Variants in USP13 observed in about 807,000 individuals in gnomAD.
USP13 encodes ubiquitin carboxyl-terminal hydrolase 13.
A neutral mutation model predicts 107.8 loss-of-function variants in USP13; 68 were observed. That is an observed-to-expected ratio of 0.63 (90% confidence interval 0.52 to 0.77). The LOEUF is 0.77. USP13 is among the 30% of genes least tolerant of loss of function. The pLI is 0.00. For synonymous variants in USP13, 377 were observed against 389.5 expected (o/e 0.97, Z 0.38); for missense variants, 945 against 1,093.3 (o/e 0.86, Z 1.91).
chr3:179,756,958 G>A (rs1293460555), intron 15 of USP13, 94 bp from the exon 16 acceptor site: 3 of 1,313,918 alleles, frequency 2.3e-6, no homozygotes, highest in African/African-American at 2.9e-5. Flanking sequence ...AGTGGGGAGG[G>A]CATTGGAAAT....
chr3:179,670,717 A>C (rs1720724744), intron 1 of USP13, among the ~76,000 whole-genome samples: 1 of 151,244 alleles, frequency 6.6e-6, no homozygotes, highest in Non-Finnish European at 1.5e-5. Flanking sequence ...ATTTTTTTTG[A>C]GACAGATTCT....
At chr3:179,690,137 TC>T in intron 2 of USP13, 103 bp from the exon 3 acceptor site, 2 of 1,072,736 alleles carry the variant, frequency 1.9e-6, no homozygotes, top group Non-Finnish European at 2.7e-6. Context: ...GAATATTTCT[TC>T]TTGGCCTTCT....
At chr3:179,728,148 C>T (rs1239098832) in intron 8 of USP13, among the ~76,000 whole-genome samples, 3 of 129,778 alleles carry the variant, frequency 2.3e-5, no homozygotes, top group Admixed American at 7.6e-5. Flanking sequence ...TAGGGGCGGC[C>T]GGGCAGAGGC....
intron 19 of USP13, among the ~76,000 whole-genome samples, chr3:179,777,515 C>T (rs1166731556): frequency 3.4e-5 from 5 of 145,122 alleles, no homozygotes; most frequent in African/African-American, 7.7e-5. Flanking sequence ...TACAGTGGTG[C>T]GATCTCGGCT....
intron 8 of USP13, among the ~76,000 whole-genome samples, chr3:179,725,837 C>CAA (rs1228720410): frequency 1.3e-5 from 2 of 152,124 alleles, no homozygotes; most frequent in Non-Finnish European, 2.9e-5. Context: ...TCTGGAAAGA[C>CAA]AGATACTAAA....
At chr3:179,719,185 G>T (rs537928049) in intron 6 of USP13, among the ~76,000 whole-genome samples, 1 of 152,118 alleles carries the variant, frequency 6.6e-6, no homozygotes, top group East Asian at 1.9e-4. Flanking sequence ...CAACACTAGC[G>T]TCTCTCAAAT....
chr3:179,746,019 G>T (rs1425111130), intron 13 of USP13, among the ~76,000 whole-genome samples: 4 of 151,756 alleles, frequency 2.6e-5, no homozygotes, highest in Non-Finnish European at 5.9e-5. Flanking sequence ...AACAAAGGGA[G>T]GTCTGAAAGT....
Position 179,786,426 on chromosome 3 carries a change from C to G in USP13, c.*2285C>G, listed in dbSNP as rs1174883694. 1.3e-5 allele frequency: 2 copies of G among 152,114 alleles called. No homozygotes were observed. The highest frequency in any genetic ancestry group is 2.1e-4 in the South Asian group (1 of 4,822). The allele number at this position is 152,114 out of a possible 1,614,324, so 9.4% of individuals were successfully genotyped here. A position where few individuals can be genotyped will look rare whatever the true frequency, so the allele number is the denominator to read the frequency against. The stretch of plus-strand genomic sequence containing the variant: ...AGTGATGTAAAATCAATATTTAAGA[C>G]TATAGGCTATAAATTGTTTGATTTC... On this transcript the variant is annotated 3_prime_UTR_variant, in exon 21 of 21. Transcript: ENST00000263966.
intron 8 of USP13, among the ~76,000 whole-genome samples, chr3:179,729,141 C>T (rs1713698254): frequency 6.6e-6 from 1 of 152,158 alleles, no homozygotes; most frequent in Non-Finnish European, 1.5e-5. Context: ...ACATTGGACT[C>T]AACTCTGATT....
rs1483281566 is a variant in USP13 at position 179,784,173 on chromosome 3, CAT to C, written c.*34_*35del. On this transcript the variant is annotated 3_prime_UTR_variant, in exon 21 of 21. Coordinates refer to ENST00000263966, the MANE Select transcript of USP13 (RefSeq NM_003940.3). ...AATATAAAAATTGGCGAAAAGAAGC[CAT>C]ACGCCTTTTTAATTTGCCAAAAAAA... 6.7e-7 allele frequency: 1 copy of C among 1,484,642 alleles called. No homozygotes were observed. The highest frequency in any genetic ancestry group is 1.4e-5 in the African/African-American group (1 of 69,762). 92.0% of individuals were successfully genotyped at this position (1,484,642 alleles called of 1,614,324 possible). A position where few individuals can be genotyped will look rare whatever the true frequency, so the allele number is the denominator to read the frequency against.
At chr3:179,658,054 C>T (rs1472308134) in intron 1 of USP13, among the ~76,000 whole-genome samples, 1 of 152,030 alleles carries the variant, frequency 6.6e-6, no homozygotes, top group East Asian at 1.9e-4. Flanking sequence ...GTGTAAGACT[C>T]ATTTCCTTTT....
intron 13 of USP13, among the ~76,000 whole-genome samples, chr3:179,747,978 G>A (rs1302803466): frequency 6.6e-6 from 1 of 152,202 alleles, no homozygotes; most frequent in Non-Finnish European, 1.5e-5. Context: ...GGTGTATCCA[G>A]TTGTTAGTAA....
chr3:179,708,706 T>G, intron 5 of USP13, 67 bp from the exon 6 acceptor site: 13 of 1,575,596 alleles, frequency 8.3e-6, no homozygotes, highest in Non-Finnish European at 1.1e-5. Context: ...AAACCCTCTG[T>G]CTTCTTAGAT....
intron 18 of USP13, among the ~76,000 whole-genome samples, chr3:179,765,302 G>A (rs1387291321): frequency 2.0e-5 from 3 of 152,184 alleles, no homozygotes; most frequent in African/African-American, 7.2e-5. Context: ...AATACAGTTG[G>A]TAGAGAAGGT....
intron 19 of USP13, among the ~76,000 whole-genome samples, chr3:179,780,235 G>A (rs1715698676): frequency 6.6e-6 from 1 of 152,180 alleles, no homozygotes; most frequent in African/African-American, 2.4e-5. Flanking sequence ...AGCCATTGCA[G>A]TTAGGCAAGA....
rs763501098 is a variant in USP13, at chr3:179,681,992, C to T, written c.283C>T (p.His95Tyr). Residue 95 changes from histidine to tyrosine, a missense_variant, in exon 2 of 21, where the codon CAT becomes TAT. Physicochemically the swap from His to Tyr is moderately conservative, Grantham distance 83. Coordinates refer to ENST00000263966, the MANE Select transcript of USP13 (RefSeq NM_003940.3). ...GAGTGTATACATGCACCTGAAAAGACATGTGCGAGAGGTGAGAGCGGCACT... is the reference window on the plus strand; with the variant it reads ...GAGTGTATACATGCACCTGAAAAGATATGTGCGAGAGGTGAGAGCGGCACT... ...GQSVYMHLKR[H>Y]VREKVRGASG... 13 of 1,612,900 alleles carry T rather than the reference C, an allele frequency of 8.1e-6. No individual in the cohort carries two copies. The Admixed American group carries it at 1.8e-4, about 23-fold the overall frequency.
chr3:179,703,783 A>T (rs1376499098), intron 4 of USP13, among the ~76,000 whole-genome samples: 2 of 152,240 alleles, frequency 1.3e-5, no homozygotes, highest in Non-Finnish European at 2.9e-5. Flanking sequence ...TCAAGAACAC[A>T]TAGATAATAA....
intron 6 of USP13, among the ~76,000 whole-genome samples, chr3:179,711,351 T>C (rs914177459): frequency 2.6e-5 from 4 of 152,104 alleles, no homozygotes; most frequent in African/African-American, 9.7e-5. Flanking sequence ...CCTGAGTAGC[T>C]GGGAGGTGCC....
Position 179,653,268 on chromosome 3 carries a change from G to C in USP13, c.43G>C (p.Gly15Arg), listed in dbSNP as rs1367769480. 3 of 1,565,270 alleles carry C rather than the reference G, an allele frequency of 1.9e-6. No homozygotes were observed. The highest frequency in any genetic ancestry group is 2.7e-5 in the African/African-American group (2 of 73,894). The change falls in exon 1 of 21, where the codon GGA becomes CGA. Residue 15 changes from glycine to arginine, a missense_variant. Physicochemically the swap from Gly to Arg is moderately radical, Grantham distance 125. Coordinates refer to ENST00000263966, the MANE Select transcript of USP13 (RefSeq NM_003940.3). The surrounding 1 kb of genome is among the most constrained non-coding windows in gnomAD (Gnocchi z 4.0). ...CCTGTTCGGCATGCCGGGCGGCAGC[G>C]GAGGCAGGAAGATGGCTGCAGGAGA... ...GALFGMPGGSGGRKMAAGDIG... is the reference protein window; with the variant it reads ...GALFGMPGGSRGRKMAAGDIG...
Sources: allele counts gnomAD v4.1 joint callset (sites outside exome capture counted in the v4.1 genomes callset), GRCh38; gene constraint gnomAD v4.1.1; non-coding constraint Gnocchi (gnomAD v3.1); transcripts MANE v1.5; gene names NCBI Gene and HGNC (gene_info 2026-07-23, HGNC 2026-07-21).